DIAPH2: variants seen among roughly 807,000 people sequenced by gnomAD.
The protein encoded by DIAPH2 is diaphanous related formin 2.
Under a neutral mutation model 92.7 loss-of-function variants are expected in DIAPH2, and 35 were observed. The observed-to-expected ratio is 0.38, with a 90% CI of 0.29 to 0.50. The LOEUF (loss-of-function observed/expected upper bound fraction) is 0.50, where lower values mean the gene tolerates loss of function less well. Among genes scored for constraint, DIAPH2 ranks in the 20% least tolerant of loss-of-function variants. The pLI is 0.94. For missense variants in DIAPH2, 701 were observed against 819.5 expected (o/e 0.86, Z 1.77); for synonymous variants, 301 against 280.4 (o/e 1.07, Z -0.73).
chrX:97,063,948 A>C lies in DIAPH2; in HGVS notation c.2051-8993A>C, dbSNP rs768944769. 3.3e-4 allele frequency among the ~76,000 whole-genome samples: 37 copies of C among 112,244 alleles called. No individual in the cohort carries two copies. In the East Asian group the frequency reaches 9.0e-3, roughly 27 times the overall value. On this transcript the variant is annotated intron_variant, in intron 17 of 26. Coordinates refer to ENST00000324765, the MANE Select transcript of DIAPH2 (RefSeq NM_006729.5). ...TTACTTAGTGTTTCTGGCTGCCTTC[A>C]CAATACAATAGCAGAGTTGAGTTGT...
In DIAPH2 at chrX:96,970,381, CA is replaced by C. The variant is rs1345854851; in HGVS notation, c.2050+5175del. On this transcript the variant is annotated intron_variant, in intron 17 of 26. Coordinates refer to ENST00000324765, the MANE Select transcript of DIAPH2 (RefSeq NM_006729.5). ...TGTTTGTTTGTTTGTTTGTTTTTGT[CA>C]TTTTTTTTTAATTTAAATTACTGAT... Among the ~76,000 whole-genome samples, 11 of 97,934 alleles carry C rather than the reference CA, an allele frequency of 1.1e-4. No individual in the cohort carries two copies. The South Asian group carries it at 4.3e-3, about 38-fold the overall frequency. The allele number at this position is 97,934 out of a possible 115,157, so 85.0% of individuals were successfully genotyped here.
At chrX:97,456,751 C>T (rs1017072723) in intron 26 of DIAPH2, among the ~76,000 whole-genome samples, 2 of 111,336 alleles carry the variant, frequency 1.8e-5, no homozygotes, top group African/African-American at 6.5e-5. Context: ...AAAAAAAACT[C>T]ATGAACCCAG....
chrX:97,301,319 A>G (rs1331675877), intron 23 of DIAPH2, among the ~76,000 whole-genome samples: 1 of 111,233 alleles, frequency 9.0e-6, no homozygotes, highest in Non-Finnish European at 1.9e-5. Flanking sequence ...TAAACCAAAT[A>G]TTTGTTACAT....
At chrX:97,559,277 G>A (rs988906706) in intron 26 of DIAPH2, among the ~76,000 whole-genome samples, 4 of 111,134 alleles carry the variant, frequency 3.6e-5, no homozygotes, top group African/African-American at 1.3e-4. Context: ...GGATCATAAG[G>A]CCAAGAGATC....
intron 10 of DIAPH2, among the ~76,000 whole-genome samples, chrX:96,932,755 C>A (rs972863783): frequency 2.7e-5 from 3 of 111,182 alleles, no homozygotes; most frequent in Non-Finnish European, 5.7e-5. Flanking sequence ...TCCATCACTT[C>A]AAGCATTCAT....
chrX:97,087,058 T>C (rs942016260), intron 19 of DIAPH2, among the ~76,000 whole-genome samples: 2 of 112,084 alleles, frequency 1.8e-5, no homozygotes, highest in African/African-American at 6.5e-5. Flanking sequence ...GATGACATTA[T>C]AAATGTCTTC....
chrX:96,909,364 T>C (rs1429286172), intron 5 of DIAPH2, among the ~76,000 whole-genome samples: 2 of 109,941 alleles, frequency 1.8e-5, no homozygotes, highest in African/African-American at 6.6e-5. Flanking sequence ...ATACTCTATG[T>C]ATATGAGAAA....
chrX:97,060,955 G>A (rs1415970064), intron 17 of DIAPH2, among the ~76,000 whole-genome samples: 1 of 108,574 alleles, frequency 9.2e-6, no homozygotes, highest in Non-Finnish European at 1.9e-5. Context: ...AACTACCTAA[G>A]TATAATATAT....
rs771961530 is a variant in DIAPH2, at chrX:97,092,446, A to G, written c.2248-7248A>G. 3.3e-3 allele frequency among the ~76,000 whole-genome samples: 371 copies of G among 112,353 alleles called. 2 individuals carry two copies. The highest frequency in any genetic ancestry group is 5.0e-3 in the Non-Finnish European group (266 of 53,254). On this transcript the variant is annotated intron_variant, in intron 19 of 26. Transcript: ENST00000324765. ...TAGTGTATTTAAAGTTCTGCAGATG[A>G]CAAGCGTTGTTTCTGCTTAAAGAAA...
At chrX:97,507,373 T>A (rs751593743) in intron 26 of DIAPH2, among the ~76,000 whole-genome samples, 23 of 111,040 alleles carry the variant, frequency 2.1e-4, no homozygotes, top group African/African-American at 6.9e-4. Flanking sequence ...TTGCATTTTT[T>A]AAATCTTTAT....
intron 1 of DIAPH2, among the ~76,000 whole-genome samples, chrX:96,690,824 C>T (rs1476540223): frequency 1.8e-5 from 2 of 112,018 alleles, no homozygotes; most frequent in Non-Finnish European, 3.8e-5. Flanking sequence ...CCTTGTCAGG[C>T]AGCTTACTGC....
intron 23 of DIAPH2, among the ~76,000 whole-genome samples, chrX:97,294,427 TA>T (rs1418647065): frequency 8.9e-6 from 1 of 112,423 alleles, no homozygotes; most frequent in East Asian, 2.8e-4. Context: ...TAACATTTTG[TA>T]ACATATTGGA....
intron 17 of DIAPH2, among the ~76,000 whole-genome samples, chrX:97,001,785 G>A (rs183952527): frequency 3.1e-4 from 35 of 111,376 alleles, no homozygotes; most frequent in Non-Finnish European, 3.0e-4. Context: ...GAAGATCCTA[G>A]AAACTTTAAG....
chrX:97,347,653 C>T (rs1317294682), intron 23 of DIAPH2, among the ~76,000 whole-genome samples: 1 of 111,219 alleles, frequency 9.0e-6, no homozygotes, highest in Non-Finnish European at 1.9e-5. Context: ...ATGACTCTAT[C>T]AAGTTATTTT....
intron 5 of DIAPH2, among the ~76,000 whole-genome samples, chrX:96,897,673 G>A (rs2065354637): frequency 9.1e-6 from 1 of 110,303 alleles, no homozygotes; most frequent in Non-Finnish European, 1.9e-5. Context: ...CAAGTTATTT[G>A]TAGGCAAATG....
chrX:96,697,876 CA>C (rs371709090), intron 1 of DIAPH2, among the ~76,000 whole-genome samples: 12,770 of 93,872 alleles, frequency 0.14, 2,047 homozygotes, highest in African/African-American at 0.45. Flanking sequence ...GTGCCATTGT[CA>C]AAAAAAAAAA....
intron 25 of DIAPH2, among the ~76,000 whole-genome samples, chrX:97,417,387 CACACACACACAT>C (rs1048678474): frequency 3.7e-5 from 4 of 109,243 alleles, no homozygotes; most frequent in African/African-American, 1.4e-4. Flanking sequence ...CACACACACA[CACACACACACAT>C]ACACACACAC....
chrX:97,306,348 T>A (rs1382285829), intron 23 of DIAPH2, among the ~76,000 whole-genome samples: 1 of 111,017 alleles, frequency 9.0e-6, no homozygotes. Context: ...GGTGGTGAGG[T>A]TGTGGGGAGG....
chrX:97,292,508 G>T (rs1268640977), intron 23 of DIAPH2, among the ~76,000 whole-genome samples: 1 of 109,440 alleles, frequency 9.1e-6, no homozygotes, highest in Non-Finnish European at 1.9e-5. Context: ...CACTCTTTTA[G>T]CCTAGCTGCC....
Sources: allele counts gnomAD v4.1 joint callset (sites outside exome capture counted in the v4.1 genomes callset), GRCh38; gene constraint gnomAD v4.1.1; transcripts MANE v1.5; gene names NCBI Gene and HGNC (gene_info 2026-07-23, HGNC 2026-07-21).